PTCD1: variants seen among roughly 807,000 people sequenced by gnomAD.
The protein encoded by PTCD1 is pentatricopeptide repeat domain 1, also known as pentatricopeptide repeat-containing protein 1, mitochondrial.
PTCD1 carries 50 observed loss-of-function variants against 53.4 expected under a neutral mutation model. That is an observed-to-expected ratio of 0.94 (90% CI 0.75 to 1.19). The LOEUF is 1.19. Among genes scored for constraint, PTCD1 ranks in the 50% most tolerant of loss-of-function variants. PTCD1 has a pLI of 0.00. For missense variants in PTCD1, 918 were observed against 904.8 expected (o/e 1.01, Z -0.19); for synonymous variants, 413 against 394.8 (o/e 1.05, Z -0.55).
In PTCD1 at chr7:99,435,318, A is replaced by G. The variant is rs922327484; in HGVS notation, c.-26-50T>C. ...AGAGTCAACTCAGTTCCTAGTAACAAAAGGCAGAAAGAAAGAAGTGGTTAC... is the reference window on the plus strand; with the variant it reads ...AGAGTCAACTCAGTTCCTAGTAACAGAAGGCAGAAAGAAAGAAGTGGTTAC... On this transcript the variant is annotated intron_variant, in intron 1 of 7. Transcript: ENST00000292478. The G allele has an allele frequency of 2.5e-6, 4 of 1,591,396 alleles. No homozygotes were observed. The African/African-American group carries it at 4.0e-5, about 16-fold the overall frequency.
chr7:99,428,987 A>G, intron 5 of PTCD1, 116 bp downstream of exon 5: 1 of 1,276,264 alleles, frequency 7.8e-7, no homozygotes, highest in Middle Eastern at 2.2e-4. Flanking sequence ...TTTTCAGAAA[A>G]GAGCACAGAT....
chr7:99,429,284 A>G, intron 4 of PTCD1, 80 bp from the exon 5 acceptor site: 2 of 1,546,722 alleles, frequency 1.3e-6, no homozygotes, highest in Middle Eastern at 1.7e-4. Flanking sequence ...ATCCTGGCAC[A>G]TTGGGAGGCC....
rs1486380126 is a variant in PTCD1 at position 99,420,138 on chromosome 7, C to T, written c.1932G>A (p.Lys644=). The change falls in exon 8 of 8, where the codon AAG becomes AAA. Residue 644 remains lysine (K), a synonymous_variant. Transcript: ENST00000292478. ...CGTCAATCTTCTCCAGGTAGGTGTT[C>T]TTCCCTTGGTACTAGAATTAGAAAA... ...YPPTFDRYQG[K]NTYLEKIDGF... is the part of the protein sequence containing the mutation. 3 of 1,614,182 alleles carry T rather than the reference C, an allele frequency of 1.9e-6. No individual in the cohort carries two copies. Among genetic ancestry groups the T allele is most frequent in the Non-Finnish European group, 2.5e-6 (3 of 1,180,032 alleles).
At chr7:99,420,175 A>C in intron 7 of PTCD1, 26 bp from the exon 8 acceptor site, 9 of 1,613,700 alleles carry the variant, frequency 5.6e-6, no homozygotes, top group Non-Finnish European at 6.8e-6. Flanking sequence ...TGAGGCTAGA[A>C]TCACTCCTGT....
Position 99,417,419 on chromosome 7 carries a change from T to C in PTCD1, c.*2548A>G. On this transcript the variant is annotated 3_prime_UTR_variant, in exon 8 of 8. Transcript: ENST00000292478. ...CATGGCCTGATGCTCTTTCCCCATC[T>C]TTTTGACAGAACTCTATGAATATTG... 1 of 1,613,630 alleles carries C rather than the reference T, an allele frequency of 6.2e-7. No individual in the cohort carries two copies.
Position 99,423,977 on chromosome 7 carries a change from T to C in PTCD1, c.1738-20A>G, listed in dbSNP as rs1381996387. ...GGACTTCTAGAACACAGGGACATCG[T>C]AGAATCAAGATGATGGCAGCCATTG... On this transcript the variant is annotated intron_variant, in intron 6 of 7. Coordinates refer to ENST00000292478, the MANE Select transcript of PTCD1 (RefSeq NM_015545.4). 6.2e-7 allele frequency: 1 copy of C among 1,612,612 alleles called. No individual in the cohort carries two copies. Among genetic ancestry groups the C allele is most frequent in the Non-Finnish European group, 8.5e-7 (1 of 1,179,424 alleles).
intron 3 of PTCD1, 148 bp downstream of exon 3, chr7:99,433,130 C>T (rs1796327038): frequency 7.7e-7 from 1 of 1,294,802 alleles, no homozygotes; most frequent in Non-Finnish European, 1.1e-6. Context: ...TCGTTTATCA[C>T]CCACAATCAC....
At chr7:99,420,180 T>C (rs751400500) in intron 7 of PTCD1, 31 bp from the exon 8 acceptor site, 1 of 1,613,552 alleles carries the variant, frequency 6.2e-7, no homozygotes, top group Non-Finnish European at 8.5e-7. Context: ...CTAGAATCAC[T>C]CCTGTTACCT....
At chr7:99,428,127 C>T (rs1484027590) in intron 5 of PTCD1, among the ~76,000 whole-genome samples, 5 of 151,610 alleles carry the variant, frequency 3.3e-5, no homozygotes, top group African/African-American at 7.3e-5. Context: ...ATTGGCCGGG[C>T]GCGGTGGCTC....
rs1320460288 is a variant in PTCD1 at position 99,433,288 on chromosome 7, A to G, written c.584T>C (p.Leu195Pro). ...TGCGCCCACATGCACCTGGTTGTAG[A>G]GGTTGAAGGCCTTCTTCAGGTAGCC... Reference protein sequence around the residue: ...RVGYLKKAFNLYNQMKKRDLE... With the variant: ...RVGYLKKAFNPYNQMKKRDLE... Residue 195 changes from leucine (L) to proline (P), a missense_variant, in exon 3 of 8, where the codon CTC becomes CCC. Physicochemically the swap from Leu to Pro is moderately conservative, Grantham distance 98 (BLOSUM62 -3). Transcript: ENST00000292478. The G allele has an allele frequency of 6.2e-7, 1 of 1,614,148 alleles. No homozygotes were observed. The highest frequency in any genetic ancestry group is 1.7e-5 in the Admixed American group (1 of 60,022).
intron 1 of PTCD1, among the ~76,000 whole-genome samples, chr7:99,437,901 G>A (rs556375396): frequency 1.3e-5 from 2 of 152,042 alleles, no homozygotes; most frequent in African/African-American, 4.8e-5. Flanking sequence ...CTGACCTCAC[G>A]TGATCCTCTC....
Position 99,417,362 on chromosome 7 carries a change from T to G in PTCD1, c.*2605A>C. 4 of 1,560,558 alleles carry G rather than the reference T, an allele frequency of 2.6e-6. No homozygotes were observed. Among genetic ancestry groups the G allele is most frequent in the Non-Finnish European group, 3.5e-6 (4 of 1,133,726 alleles). On this transcript the variant is annotated 3_prime_UTR_variant, in exon 8 of 8. Coordinates refer to ENST00000292478, the MANE Select transcript of PTCD1 (RefSeq NM_015545.4). ...GCCACTGCACCCGGCCTGAATGCTTTTTTTGATCAAGGGTGGGGAAGGTTT... is the reference window on the plus strand; with the variant it reads ...GCCACTGCACCCGGCCTGAATGCTTGTTTTGATCAAGGGTGGGGAAGGTTT...
rs1242057626 is a variant in PTCD1 at position 99,419,730 on chromosome 7, A to G, written c.*237T>C. 1.4e-6 allele frequency: 1 copy of G among 715,852 alleles called. No individual in the cohort carries two copies. The highest frequency in any genetic ancestry group is 2.3e-6 in the Non-Finnish European group (1 of 441,196). The allele number at this position is 715,852 out of a possible 1,614,324, so 44.3% of individuals were successfully genotyped here. On this transcript the variant is annotated 3_prime_UTR_variant, in exon 8 of 8. Coordinates refer to ENST00000292478, the MANE Select transcript of PTCD1 (RefSeq NM_015545.4). Reference sequence around the variant, plus strand: ...GGTGTGTGAGGTGACACACAAAGGTAGCTGGAGCTGGAAGTCCCGTGAAGG... The same window carrying G: ...GGTGTGTGAGGTGACACACAAAGGTGGCTGGAGCTGGAAGTCCCGTGAAGG...
At chr7:99,427,550 C>T (rs1796099706) in intron 5 of PTCD1, among the ~76,000 whole-genome samples, 1 of 151,928 alleles carries the variant, frequency 6.6e-6, no homozygotes, top group Non-Finnish European at 1.5e-5. Flanking sequence ...CCCGGCCGCC[C>T]CTGCTGGGAA....
At chr7:99,427,211 C>G (rs1210528936) in intron 5 of PTCD1, among the ~76,000 whole-genome samples, 1 of 145,862 alleles carries the variant, frequency 6.9e-6, no homozygotes, top group East Asian at 2.1e-4. Context: ...GCCAGCCGCC[C>G]CGTCCGGGAG....
intron 3 of PTCD1, 189 bp downstream of exon 3, chr7:99,433,089 A>G (rs867438868): frequency 3.6e-6 from 3 of 838,256 alleles, no homozygotes; most frequent in Middle Eastern, 2.8e-4. Flanking sequence ...GCCACAGTCC[A>G]GGCAGGTGCT....
chr7:99,428,182 C>T (rs1416877515), intron 5 of PTCD1, among the ~76,000 whole-genome samples: 1 of 151,598 alleles, frequency 6.6e-6, no homozygotes, highest in African/African-American at 2.4e-5. Context: ...CGCCGGATCA[C>T]GAGGTAGGAG....
At chr7:99,434,351 T>C (rs146786436) in intron 2 of PTCD1, among the ~76,000 whole-genome samples, 1,727 of 151,248 alleles carry the variant, frequency 0.011, 25 homozygotes, top group African/African-American at 0.038. Context: ...GATGTTGAGA[T>C]GGGAGAATTG....
At chr7:99,434,305 G>T (rs1443006127) in intron 2 of PTCD1, among the ~76,000 whole-genome samples, 1 of 151,986 alleles carries the variant, frequency 6.6e-6, no homozygotes, top group Admixed American at 6.6e-5. Context: ...AATTGGCCAG[G>T]TGTGGTGGCA....
Sources: gnomAD v4.1 joint callset for allele counts (sites outside exome capture counted in the v4.1 genomes callset) on GRCh38, gnomAD v4.1.1 for gene constraint, MANE v1.5 for transcripts, NCBI Gene and HGNC (gene_info 2026-07-23, HGNC 2026-07-21) for gene names.